PP2D1: variants seen among roughly 807,000 people sequenced by gnomAD.
The protein encoded by PP2D1 is protein phosphatase 2C like domain containing 1.
A neutral mutation model predicts 30.2 loss-of-function variants in PP2D1; 25 were observed. The observed-to-expected ratio is 0.83, with a 90% CI of 0.60 to 1.16. PP2D1 has a LOEUF of 1.16. Ranked by LOEUF, PP2D1 falls within the 50% of genes most tolerant of loss-of-function variation. PP2D1 has a pLI of 0.00. For missense variants in PP2D1, 760 were observed against 742.4 expected, an observed-to-expected ratio of 1.02 and a Z score of -0.28; for synonymous variants, 260 against 258.9, an observed-to-expected ratio of 1.00 and a Z score of -0.04.
chr3:19,982,763 T>TA (rs62910362), downstream of PP2D1, among the ~76,000 whole-genome samples: 137 of 139,844 alleles, frequency 9.8e-4, no homozygotes, highest in East Asian at 2.3e-3. Context: ...CCTTGTCTCT[T>TA]AAAAAAAAAA....
At chr3:19,982,982 A>AG (rs1696960434), downstream of PP2D1, among the ~76,000 whole-genome samples, 1 of 152,126 alleles carries the variant, frequency 6.6e-6, no homozygotes, top group Non-Finnish European at 1.5e-5. Flanking sequence ...ATATGAGCTG[A>AG]GCTTCTTTAT....
chr3:20,001,538 A>C lies in PP2D1; in HGVS notation c.582T>G (p.Asn194Lys). The part of the protein sequence containing the change: ...DMNDKFTVVS[N>K]FGNKPNVCFF... ...AACACACATTAGGTTTGTTACCAAA[A>C]TTACTCACTACAGTGAATTTATCAT... Residue 194 changes from asparagine (N) to lysine (K), a missense_variant, in exon 2 of 3, where the codon AAT becomes AAG. Asn to Lys is a moderately conservative substitution (Grantham distance 94). Coordinates refer to ENST00000389050, the MANE Select transcript of PP2D1 (RefSeq NM_001252657.2). The C allele has an allele frequency of 6.5e-7, 1 of 1,536,146 alleles. No homozygotes were observed. Among genetic ancestry groups the C allele is most frequent in the Non-Finnish European group, 8.7e-7 (1 of 1,146,904 alleles).
intron 2 of PP2D1, among the ~76,000 whole-genome samples, chr3:19,987,689 C>T (rs1200996697): frequency 6.6e-6 from 1 of 152,134 alleles, no homozygotes; most frequent in East Asian, 1.9e-4. Flanking sequence ...GCAGGCAAAT[C>T]ACTTGAAGCC....
downstream of PP2D1, chr3:19,984,948 T>C (rs1697004609): frequency 6.4e-6 from 1 of 155,568 alleles, no homozygotes; most frequent in Admixed American, 6.5e-5. Context: ...GCAGCCTTCC[T>C]TTCCAAAGTT....
chr3:20,008,663 G>A (rs1559500799), intron 1 of PP2D1, among the ~76,000 whole-genome samples: 2 of 152,098 alleles, frequency 1.3e-5, no homozygotes. Flanking sequence ...GACACTGGAG[G>A]ATGCTTGAGC....
downstream of PP2D1, among the ~76,000 whole-genome samples, chr3:19,983,375 G>A (rs536975744): frequency 2.1e-5 from 3 of 145,752 alleles, no homozygotes; most frequent in East Asian, 2.0e-4. Context: ...AAGTAATAAT[G>A]AGTATAAAAT....
chr3:19,988,242 GAGA>G (rs964238483), intron 2 of PP2D1, among the ~76,000 whole-genome samples: 18 of 152,302 alleles, frequency 1.2e-4, no homozygotes, highest in African/African-American at 3.8e-4. Context: ...AAGCAAATAG[GAGA>G]AATACCGCTC....
At chr3:20,003,106 C>T (rs989009677) in intron 1 of PP2D1, among the ~76,000 whole-genome samples, 1 of 151,368 alleles carries the variant, frequency 6.6e-6, no homozygotes, top group Non-Finnish European at 1.5e-5. Flanking sequence ...GAACGTAATA[C>T]CTGATAATGA....
intron 2 of PP2D1, among the ~76,000 whole-genome samples, chr3:19,997,756 A>C (rs1475248341): frequency 6.6e-6 from 1 of 152,224 alleles, no homozygotes; most frequent in East Asian, 1.9e-4. Flanking sequence ...GAAATAAGCC[A>C]GACCAGAAAG....
intron 1 of PP2D1, among the ~76,000 whole-genome samples, chr3:20,004,982 A>G (rs1052578437): frequency 5.3e-5 from 8 of 151,874 alleles, no homozygotes; most frequent in Non-Finnish European, 1.5e-5. Context: ...GATGGTATGC[A>G]TGCCTGTAGT....
Position 20,002,094 on chromosome 3 carries a change from ACT to A in PP2D1, c.24_25del (p.Arg8SerfsTer16). ...ATTCCATTCTCTTGATTTCCAAAACACTCTGCAAACAGGATGAAAGATATTTA... is the reference window on the plus strand; with the variant it reads ...ATTCCATTCTCTTGATTTCCAAAACACTGCAAACAGGATGAAAGATATTTA... On this transcript the variant is annotated frameshift_variant and splice_region_variant, in exon 2 of 3. Coordinates refer to ENST00000389050, the MANE Select transcript of PP2D1 (RefSeq NM_001252657.2). LOFTEE classifies it high-confidence loss of function. 1.3e-6 allele frequency: 2 copies of A among 1,520,676 alleles called. No homozygotes were observed. Among genetic ancestry groups the A allele is most frequent in the South Asian group, 1.2e-5 (1 of 83,424 alleles). 94.2% of individuals were successfully genotyped at this position (1,520,676 alleles called of 1,614,324 possible). A position where few individuals can be genotyped will look rare whatever the true frequency, so the allele number is the denominator to read the frequency against.
chr3:19,982,668 G>GT (rs1264726923), downstream of PP2D1, among the ~76,000 whole-genome samples: 1 of 151,558 alleles, frequency 6.6e-6, no homozygotes, highest in Non-Finnish European at 1.5e-5. Flanking sequence ...AGGCAACAAA[G>GT]TGAGACCCCA....
chr3:19,987,219 T>C (rs1240260491), intron 2 of PP2D1, among the ~76,000 whole-genome samples: 1 of 152,288 alleles, frequency 6.6e-6, no homozygotes, highest in Admixed American at 6.5e-5. Flanking sequence ...AGTTTAAACA[T>C]GATCTGAACA....
At chr3:19,997,971 C>T (rs1485918148) in intron 2 of PP2D1, among the ~76,000 whole-genome samples, 1 of 152,042 alleles carries the variant, frequency 6.6e-6, no homozygotes, top group Non-Finnish European at 1.5e-5. Context: ...CTGAGATGAG[C>T]AGATCACAAG....
rs990213309 is a variant in PP2D1, at chr3:19,986,034, T to G, written c.1239A>C (p.Gln413His). Residue 413 changes from glutamine to histidine, a missense_variant, in exon 3 of 3, where the codon CAA (glutamine) becomes CAC (histidine). By Grantham distance (24) the Gln-to-His change is conservative. Transcript: ENST00000389050. ...ATCCAAGTCCTCGTGTAGTTTTTAC[T>G]TGCCCCTCTACAAGCCCGTATGGTT... is the stretch of plus-strand genomic sequence containing the variant. ...SNEPYGLVEGQVKTTRGLGFH... is the reference protein window; with the variant it reads ...SNEPYGLVEGHVKTTRGLGFH... 8.5e-6 allele frequency: 13 copies of G among 1,536,016 alleles called. No homozygotes were observed. In the African/African-American group the frequency reaches 9.6e-5, roughly 11 times the overall value.
intron 2 of PP2D1, among the ~76,000 whole-genome samples, chr3:19,990,179 C>G (rs1186962450): frequency 2.0e-5 from 3 of 152,226 alleles, no homozygotes; most frequent in African/African-American, 7.2e-5. Context: ...GGGTTTCACT[C>G]TGTCACCCAG....
In PP2D1 at chr3:20,001,690, G is replaced by A; in HGVS notation, c.430C>T (p.Pro144Ser). 1.3e-6 allele frequency: 2 copies of A among 1,534,670 alleles called. No individual in the cohort carries two copies. The highest frequency in any genetic ancestry group is 1.7e-6 in the Non-Finnish European group (2 of 1,146,324). ...AFELLWKKQI[P>S]AYYKIFDNID... ...TTATCAAAAATCTTATAGTATGCTG[G>A]TATTTGTTTTTTCCAAAGCAGCTCA... The change falls in exon 2 of 3, where the codon CCA (proline) becomes TCA (serine). Residue 144 changes from proline to serine, a missense_variant. Pro to Ser is a moderately conservative substitution (Grantham distance 74). Coordinates refer to ENST00000389050, the MANE Select transcript of PP2D1 (RefSeq NM_001252657.2).
chr3:19,981,210 G>A (rs1696919944), downstream of PP2D1, among the ~76,000 whole-genome samples: 1 of 152,130 alleles, frequency 6.6e-6, no homozygotes, highest in Admixed American at 6.5e-5. Flanking sequence ...CTTTACAGTG[G>A]TTTGACTTAC....
rs1376035136 is a variant in PP2D1, at chr3:20,001,998, T to C, written c.122A>G (p.Lys41Arg). The C allele has an allele frequency of 1.3e-6, 2 of 1,536,072 alleles. No homozygotes were observed. The highest frequency in any genetic ancestry group is 2.7e-5 in the African/African-American group (2 of 73,056). ...GGTGTGTCTCACTGGTCTTGACTTT[T>C]TCTTTCTAAAACGTTTTCTTTTGGG... ...LLPKRKRFRK[K>R]KSRPVRHTKR... Residue 41 changes from lysine (K) to arginine (R), a missense_variant, in exon 2 of 3, where the codon AAA becomes AGA. By Grantham distance (26) the Lys-to-Arg change is conservative. This residue lies in a region of PP2D1 where 374 missense variants were observed against 388.8 expected (regional missense o/e 0.96). Coordinates refer to ENST00000389050, the MANE Select transcript of PP2D1 (RefSeq NM_001252657.2).
Sources: gnomAD v4.1 joint callset for allele counts (sites outside exome capture counted in the v4.1 genomes callset) on GRCh38, gnomAD v4.1.1 for gene constraint, gnomAD v4.1.1 regional missense constraint, MANE v1.5 for transcripts, NCBI Gene and HGNC (gene_info 2026-07-23, HGNC 2026-07-21) for gene names.